The following NCAPD3 variants were observed in gnomAD, a reference collection of about 807,000 sequenced individuals.
The protein encoded by NCAPD3 is condensin-2 complex subunit D3.
Under a neutral mutation model 182.9 loss-of-function variants are expected in NCAPD3, and 105 were observed. The observed-to-expected ratio is 0.57, with a 90% confidence interval of 0.49 to 0.68. The LOEUF is 0.68. Among genes scored for constraint, NCAPD3 ranks in the 30% least tolerant of loss-of-function variants. The pLI, the probability that NCAPD3 is intolerant of heterozygous loss-of-function variation, is 0.00. For synonymous variants in NCAPD3, 815 were observed against 679.9 expected (o/e 1.20, Z -3.09); for missense variants, 1,944 against 1,837.0 (o/e 1.06, Z -1.07).
chr11:134,163,898 AG>A (rs1298045631), intron 27 of NCAPD3, among the ~76,000 whole-genome samples: 15 of 150,342 alleles, frequency 1.0e-4, no homozygotes, highest in Non-Finnish European at 1.2e-4. Flanking sequence ...AAAAAGAAAA[AG>A]AAAGAAAGAC....
Position 134,153,322 on chromosome 11 carries a change from T to C in NCAPD3, c.4294A>G (p.Ile1432Val), listed in dbSNP as rs1393036090. The C allele has an allele frequency of 9.9e-6, 16 of 1,614,196 alleles. No homozygotes were observed. Among genetic ancestry groups the C allele is most frequent in the African/African-American group, 1.3e-5 (1 of 75,056 alleles). The change falls in exon 33 of 35, where the codon ATC becomes GTC. Residue 1432 changes from isoleucine to valine, a missense_variant. Transcript: ENST00000534548. Reference protein sequence around the residue: ...DVTFGAGVSYIGTPRTPSSAK... With the variant: ...DVTFGAGVSYVGTPRTPSSAK... ...GACGACGGAGTCCGTGGTGTCCCGA[T>C]GTAACTGACCCCTGCTCCAAACGTG...
intron 32 of NCAPD3, among the ~76,000 whole-genome samples, chr11:134,155,660 G>A (rs954455185): frequency 6.6e-5 from 10 of 152,264 alleles, no homozygotes; most frequent in Non-Finnish European, 1.2e-4. Flanking sequence ...TGAGCACAAC[G>A]AAAATGAGAT....
intron 16 of NCAPD3, among the ~76,000 whole-genome samples, chr11:134,190,935 T>C (rs189158611): frequency 2.6e-5 from 4 of 152,308 alleles, no homozygotes; most frequent in Non-Finnish European, 2.9e-5. Context: ...TTTTGAGACA[T>C]TTAGAATTGT....
At chr11:134,223,044 G>GTATCATTAAAAA in intron 1 of NCAPD3, 2 of 223,936 alleles carry the variant, frequency 8.9e-6, no homozygotes, top group Non-Finnish European at 1.8e-5. Flanking sequence ...AAGTGTGTCC[G>GTATCATTAAAAA]ACTCCAAAGG....
intron 28 of NCAPD3, among the ~76,000 whole-genome samples, chr11:134,160,379 A>G (rs556978416): frequency 2.0e-5 from 3 of 152,250 alleles, no homozygotes; most frequent in Admixed American, 6.5e-5. Context: ...AGTAACTAAC[A>G]GTTCTCTCTC....
chr11:134,194,751 T>C lies in NCAPD3; in HGVS notation c.1616-13A>G, dbSNP rs1944591460. ...ATGACACATCTTTCTGTAGAGGGAA[T>C]ACCAAAGGGTCATCACAGCTGGAGA... On this transcript the variant is annotated splice_polypyrimidine_tract_variant and intron_variant, in intron 13 of 34. Coordinates refer to ENST00000534548, the MANE Select transcript of NCAPD3 (RefSeq NM_015261.3). 1 of 1,577,802 alleles carries C rather than the reference T, an allele frequency of 6.3e-7. No individual in the cohort carries two copies. Among genetic ancestry groups the C allele is most frequent in the Non-Finnish European group, 8.6e-7 (1 of 1,158,104 alleles).
intron 30 of NCAPD3, 94 bp from the exon 31 acceptor site, chr11:134,158,161 C>A: frequency 6.5e-7 from 1 of 1,531,300 alleles, no homozygotes; most frequent in Non-Finnish European, 8.9e-7. Context: ...TCCTCACCGG[C>A]GCATCCCTCA....
Position 134,153,126 on chromosome 11 carries a change from A to C in NCAPD3, c.4388+14T>G. On this transcript the variant is annotated intron_variant, in intron 34 of 34. Coordinates refer to ENST00000534548, the MANE Select transcript of NCAPD3 (RefSeq NM_015261.3). ...CAGAAACATCCACCTCAAAAGGAAC[A>C]CTGCTAAACTTACGGTTTATCAGGC... The C allele has an allele frequency of 4.3e-6, 7 of 1,613,750 alleles. No individual in the cohort carries two copies. In the East Asian group the frequency reaches 1.6e-4, roughly 36 times the overall value.
At position 134,185,404 on chromosome 11, in the gene NCAPD3, G is replaced by A; in HGVS notation, c.2168C>T (p.Ser723Phe). 6.2e-7 allele frequency: 1 copy of A among 1,614,076 alleles called. No homozygotes were observed. The highest frequency in any genetic ancestry group is 1.1e-5 in the South Asian group (1 of 91,070). ...CCTGGGTGAGGAGCCAGCAATCTTG[G>A]AGAGCAGCATCCAGGCAGGTGCCGA... ...EHSAPAWMLLSKIAGSSPRLD... is the reference protein window; with the variant it reads ...EHSAPAWMLLFKIAGSSPRLD... The change falls in exon 17 of 35, where the codon TCC becomes TTC. Residue 723 changes from serine to phenylalanine, a missense_variant. This residue lies in a region of NCAPD3 where 1,803 missense variants were observed against 1,674.6 expected (regional missense o/e 1.08). Coordinates refer to ENST00000534548, the MANE Select transcript of NCAPD3 (RefSeq NM_015261.3).
At position 134,223,896 on chromosome 11, in the gene NCAPD3, G is replaced by A. The variant is rs370054362; in HGVS notation, c.31C>T (p.Leu11=). 2.5e-6 allele frequency: 4 copies of A among 1,612,766 alleles called. No individual in the cohort carries two copies. The highest frequency in any genetic ancestry group is 1.1e-5 in the South Asian group (1 of 91,030). MVALRGLGSG[L]QPWCPLDLRL... is the part of the protein sequence containing the mutation. ...AGATCCAGCGGACACCAGGGCTGCA[G>A]GCCGCTACCAAGGCCCCGCAACGCC... The change falls in exon 1 of 35, where the codon CTG becomes TTG. Residue 11 remains leucine, a synonymous_variant. Transcript: ENST00000534548.
intron 3 of NCAPD3, among the ~76,000 whole-genome samples, chr11:134,214,264 T>C (rs1373921485): frequency 6.6e-6 from 1 of 152,168 alleles, no homozygotes; most frequent in African/African-American, 2.4e-5. Flanking sequence ...TACAGTAAGA[T>C]TTCAGGAAAG....
At chr11:134,212,619 T>A (rs990849568) in intron 3 of NCAPD3, among the ~76,000 whole-genome samples, 3 of 152,166 alleles carry the variant, frequency 2.0e-5, no homozygotes, top group African/African-American at 7.2e-5. Flanking sequence ...CTAGAACTCC[T>A]GACGTCAAGT....
rs768891085 is a variant in NCAPD3, at chr11:134,181,161, C to T, written c.2475G>A (p.Gly825=). ...GGTGCTCGCAGGTGGAGAGTACATCCCCACACACCTGCGTCAGCAATTCCT... is the reference window on the plus strand; with the variant it reads ...GGTGCTCGCAGGTGGAGAGTACATCTCCACACACCTGCGTCAGCAATTCCT... ...EEQELLTQVC[G]DVLSTCEHRL... is the part of the protein sequence containing the mutation. The change falls in exon 20 of 35, where the codon GGG becomes GGA. Residue 825 remains glycine (G), a synonymous_variant. Coordinates refer to ENST00000534548, the MANE Select transcript of NCAPD3 (RefSeq NM_015261.3). 3 of 1,613,854 alleles carry T rather than the reference C, an allele frequency of 1.9e-6. 1 individual carries two copies. The highest frequency in any genetic ancestry group is 2.2e-5 in the South Asian group (2 of 91,060).
chr11:134,196,733 C>A (rs541067445), intron 13 of NCAPD3, among the ~76,000 whole-genome samples: 1 of 151,894 alleles, frequency 6.6e-6, no homozygotes, highest in South Asian at 2.1e-4. Context: ...TACACACACA[C>A]CCCTTCCTAA....
intron 14 of NCAPD3, 113 bp downstream of exon 14, chr11:134,194,552 T>A: frequency 1.7e-6 from 1 of 579,042 alleles, no homozygotes; most frequent in East Asian, 3.1e-5. Flanking sequence ...CAACTAACAG[T>A]TAGGCGAAAA....
At chr11:134,172,954 G>A (rs1316200255) in intron 24 of NCAPD3, 2 of 145,062 alleles carry the variant, frequency 1.4e-5, no homozygotes, top group African/African-American at 5.2e-5. Flanking sequence ...TCCAGCCTGG[G>A]CAACAGAGCA....
intron 27 of NCAPD3, among the ~76,000 whole-genome samples, chr11:134,164,615 CACTT>C (rs1023296622): frequency 5.9e-5 from 9 of 151,614 alleles, no homozygotes; most frequent in African/African-American, 1.2e-4. Flanking sequence ...GCTGCACACT[CACTT>C]GTGACATGAG....
intron 16 of NCAPD3, among the ~76,000 whole-genome samples, chr11:134,188,070 G>C (rs1034081224): frequency 1.3e-5 from 2 of 152,158 alleles, no homozygotes; most frequent in East Asian, 3.9e-4. Context: ...GGGTCAAGTG[G>C]GGACATGGAG....
upstream of NCAPD3, chr11:134,224,157 C>G (rs573854183): frequency 3.3e-6 from 2 of 599,606 alleles, no homozygotes; most frequent in Non-Finnish European, 5.9e-6. Flanking sequence ...GCGGGTGTTC[C>G]GCTAATTCGT....
Sources: gnomAD v4.1 joint callset for allele counts (sites outside exome capture counted in the v4.1 genomes callset) on GRCh38, gnomAD v4.1.1 for gene constraint, gnomAD v4.1.1 regional missense constraint, MANE v1.5 for transcripts, NCBI Gene and HGNC (gene_info 2026-07-23, HGNC 2026-07-21) for gene names.